Variants in DNAH3 observed in about 807,000 individuals in gnomAD.
DNAH3 encodes dynein axonemal heavy chain 3.
Under a neutral mutation model 432.5 loss-of-function variants are expected in DNAH3, and 332 were observed. That is an observed-to-expected ratio of 0.77 (90% CI 0.70 to 0.84). The LOEUF (loss-of-function observed/expected upper bound fraction) is 0.84, where lower values mean the gene tolerates loss of function less well. Ranked by LOEUF, DNAH3 falls within the 40% of genes least tolerant of loss-of-function variation. The pLI, the probability that DNAH3 is intolerant of heterozygous loss-of-function variation, is 0.00. For missense variants in DNAH3, 4,861 were observed against 5,114.0 expected, an observed-to-expected ratio of 0.95 and a Z score of 1.51; for synonymous variants, 1,956 against 1,900.2, an observed-to-expected ratio of 1.03 and a Z score of -0.76.
intron 21 of DNAH3, 55 bp downstream of exon 21, chr16:21,075,391 AT>A (rs1206163594): frequency 8.6e-7 from 1 of 1,160,748 alleles, no homozygotes; most frequent in Admixed American, 1.7e-5. Flanking sequence ...TCTGTAATCT[AT>A]TGCATAATAA....
chr16:20,934,584 A>G (rs1480474418), intron 61 of DNAH3, among the ~76,000 whole-genome samples: 1 of 152,148 alleles, frequency 6.6e-6, no homozygotes, highest in East Asian at 1.9e-4. Context: ...GTGTATGGGT[A>G]CTCAAGGTGT....
chr16:21,069,217 T>G (rs775589341), intron 23 of DNAH3, among the ~76,000 whole-genome samples, 198 bp downstream of exon 23: 2 of 152,188 alleles, frequency 1.3e-5, no homozygotes, highest in Non-Finnish European at 2.9e-5. Flanking sequence ...AGTGATGGGA[T>G]TATAGGCATG....
chr16:20,944,048 C>G (rs548482734), intron 58 of DNAH3, among the ~76,000 whole-genome samples: 1 of 151,388 alleles, frequency 6.6e-6, no homozygotes. Flanking sequence ...AAAACACCAA[C>G]TGTTCACTGT....
chr16:21,147,769 CT>C (rs2152833924), intron 1 of DNAH3, among the ~76,000 whole-genome samples: 1 of 152,358 alleles, frequency 6.6e-6, no homozygotes, highest in South Asian at 2.1e-4. Flanking sequence ...CCCTCCACCT[CT>C]CCTGAGCAGA....
chr16:20,989,651 AG>A (rs2086439330), intron 44 of DNAH3, among the ~76,000 whole-genome samples: 1 of 152,148 alleles, frequency 6.6e-6, no homozygotes, highest in Admixed American at 6.5e-5. Flanking sequence ...CGCACTCCTC[AG>A]CCTTTGGGTG....
At chr16:20,945,842 G>A (rs182912964) in intron 57 of DNAH3, among the ~76,000 whole-genome samples, 4 of 152,112 alleles carry the variant, frequency 2.6e-5, no homozygotes, top group African/African-American at 4.8e-5. Flanking sequence ...GACTCGCCCC[G>A]AATTCTTTCT....
At chr16:20,948,989 AAG>A (rs2084186125) in intron 56 of DNAH3, among the ~76,000 whole-genome samples, 1 of 152,086 alleles carries the variant, frequency 6.6e-6, no homozygotes, top group Non-Finnish European at 1.5e-5. Flanking sequence ...CATCAGAGAG[AAG>A]AGGCTTGACT....
chr16:21,106,649 C>A (rs1031170976), exon 15 of DNAH3: 89 of 1,599,690 alleles, frequency 5.6e-5, no homozygotes, highest in Non-Finnish European at 7.1e-5. Context: ...ACTTTGTCTG[C>A]GATGTGGCTG....
chr16:21,039,886 A>G, exon 33 of DNAH3: 2 of 1,613,820 alleles, frequency 1.2e-6, no homozygotes, highest in Non-Finnish European at 1.7e-6. Flanking sequence ...GAGTAGAGGG[A>G]GATTTCTCCA....
rs993591722 is a variant in DNAH3, at chr16:20,957,707, C to T, written c.10826+1472G>A. 5.4e-5 allele frequency among the ~76,000 whole-genome samples: 8 copies of T among 149,336 alleles called. No individual in the cohort carries two copies. In the South Asian group the frequency reaches 6.4e-4, roughly 12 times the overall value. Reference sequence around the variant, plus strand: ...CATGCCTGTAGTAGCCTCAGGAGGCCGAGGCAGGAGAATCGCTTGAACCCG... The same window carrying T: ...CATGCCTGTAGTAGCCTCAGGAGGCTGAGGCAGGAGAATCGCTTGAACCCG... On this transcript the variant is annotated intron_variant, in intron 54 of 61. Coordinates refer to ENST00000261383, the Ensembl canonical transcript of DNAH3.
At chr16:21,146,004 C>G in exon 2 of DNAH3, 1 of 1,613,030 alleles carries the variant, frequency 6.2e-7, no homozygotes, top group South Asian at 1.1e-5. Context: ...CCAGACGGTT[C>G]CTCATTAGCA....
At chr16:21,096,153 A>G (rs2091673224) in intron 18 of DNAH3, among the ~76,000 whole-genome samples, 1 of 131,110 alleles carries the variant, frequency 7.6e-6, no homozygotes, top group African/African-American at 3.1e-5. Flanking sequence ...TTTTTTTTTG[A>G]GACAAGGTTT....
exon 62 of DNAH3, chr16:20,933,436 T>C: frequency 6.2e-7 from 1 of 1,614,036 alleles, no homozygotes; most frequent in African/African-American, 1.3e-5. Flanking sequence ...AACGGGCACC[T>C]TCTAAGAAGA....
intron 23 of DNAH3, among the ~76,000 whole-genome samples, chr16:21,067,770 G>GGGA (rs1597295368): frequency 4.9e-5 from 1 of 20,592 alleles, no homozygotes; most frequent in African/African-American, 1.7e-4. Context: ...GGGGGGGGGT[G>GGGA]GGGAGGGAGA....
chr16:21,060,611 G>C lies in DNAH3; in HGVS notation c.3721-255C>G, dbSNP rs184563251. ...ATGATCTTGGCTCACTGCAACCTCCGACTCCCTGGTTCAAGCGATTCTCCT... is the reference window on the plus strand; with the variant it reads ...ATGATCTTGGCTCACTGCAACCTCCCACTCCCTGGTTCAAGCGATTCTCCT... On this transcript the variant is annotated intron_variant, in intron 25 of 61. Coordinates refer to ENST00000261383, the Ensembl canonical transcript of DNAH3. Among the ~76,000 whole-genome samples, 15 of 136,104 alleles carry C rather than the reference G, an allele frequency of 1.1e-4. No homozygotes were observed. In the East Asian group the frequency reaches 3.7e-3, roughly 34 times the overall value. 89.3% of individuals were successfully genotyped at this position (136,104 alleles called of 152,430 possible).
intron 6 of DNAH3, among the ~76,000 whole-genome samples, chr16:21,135,035 G>T (rs2092623560): frequency 6.6e-6 from 1 of 152,114 alleles, no homozygotes; most frequent in Non-Finnish European, 1.5e-5. Flanking sequence ...CATTTGCAAG[G>T]TCATGGGTAA....
intron 5 of DNAH3, among the ~76,000 whole-genome samples, chr16:21,136,876 T>C (rs1430397836): frequency 6.6e-6 from 1 of 152,118 alleles, no homozygotes; most frequent in Non-Finnish European, 1.5e-5. Flanking sequence ...GGCTTACACC[T>C]GTAATCTCAG....
intron 24 of DNAH3, among the ~76,000 whole-genome samples, chr16:21,065,241 A>G (rs561860888): frequency 1.3e-5 from 2 of 151,838 alleles, no homozygotes; most frequent in East Asian, 3.9e-4. Flanking sequence ...GCTCACCACA[A>G]TCTCTGCCTC....
intron 1 of DNAH3, among the ~76,000 whole-genome samples, chr16:21,153,779 C>T (rs1297834944): frequency 1.3e-5 from 2 of 152,180 alleles, no homozygotes; most frequent in African/African-American, 4.8e-5. Context: ...CGAGGGCCCA[C>T]GGCTTCATTC....
Sources: gnomAD v4.1 joint callset for allele counts (sites outside exome capture counted in the v4.1 genomes callset) on GRCh38, gnomAD v4.1.1 for gene constraint, MANE v1.5 for transcripts, NCBI Gene and HGNC (gene_info 2026-07-23, HGNC 2026-07-21) for gene names.